The following AKT3 variants were observed in gnomAD, a reference collection of about 807,000 sequenced individuals.
AKT3 encodes the protein AKT serine/threonine kinase 3.
Under a neutral mutation model 65.3 loss-of-function variants are expected in AKT3, and 15 were observed. The observed-to-expected ratio is 0.23, with a 90% CI of 0.15 to 0.35. The LOEUF (loss-of-function observed/expected upper bound fraction) is 0.35, where lower values mean the gene tolerates loss of function less well. Among genes scored for constraint, AKT3 ranks in the 10% least tolerant of loss-of-function variants. The pLI is 1.00. For synonymous variants in AKT3, 206 were observed against 183.8 expected, an observed-to-expected ratio of 1.12 and a Z score of -0.98; for missense variants, 243 against 576.5, an observed-to-expected ratio of 0.42 and a Z score of 5.92.
At chr1:243,810,369 A>G (rs1289040902) in intron 2 of AKT3, among the ~76,000 whole-genome samples, 1 of 152,222 alleles carries the variant, frequency 6.6e-6, no homozygotes, top group Non-Finnish European at 1.5e-5. Flanking sequence ...ACAGAAATAC[A>G]AACTACTATC....
chr1:243,749,762 A>G (rs562376555), intron 2 of AKT3, among the ~76,000 whole-genome samples: 1 of 152,318 alleles, frequency 6.6e-6, no homozygotes, highest in South Asian at 2.1e-4. Flanking sequence ...TTATCAAAAA[A>G]TAACTCAGAA....
At chr1:243,671,773 A>G (rs1445074264) in intron 3 of AKT3, among the ~76,000 whole-genome samples, 1 of 152,164 alleles carries the variant, frequency 6.6e-6, no homozygotes, top group Admixed American at 6.5e-5. Context: ...ATTATCTTCC[A>G]TTTTCTAAAT....
In AKT3 at chr1:243,695,515, T is replaced by C. The variant is rs1685005567; in HGVS notation, c.172+76A>G. 9 of 1,358,246 alleles carry C rather than the reference T, an allele frequency of 6.6e-6. No homozygotes were observed. The Middle Eastern group carries it at 7.0e-4, about 106-fold the overall frequency. 84.1% of individuals were successfully genotyped at this position (1,358,246 alleles called of 1,614,324 possible). A position where few individuals can be genotyped will look rare whatever the true frequency, so the allele number is the denominator to read the frequency against. Reference sequence around the variant, plus strand: ...CAAACTTTTTCACAGGTTTCTCATATAGCCTAAGATATCTGACACATAAAA... The same window carrying C: ...CAAACTTTTTCACAGGTTTCTCATACAGCCTAAGATATCTGACACATAAAA... On this transcript the variant is annotated intron_variant, in intron 3 of 13. Coordinates refer to ENST00000673466, the MANE Select transcript of AKT3 (RefSeq NM_005465.7).
intron 1 of AKT3, among the ~76,000 whole-genome samples, chr1:243,845,597 A>AAAAAAAAG (rs1203767640): frequency 1.4e-5 from 2 of 147,224 alleles, no homozygotes; most frequent in African/African-American, 5.0e-5. Context: ...TCAAAAAAAA[A>AAAAAAAAG]AAAAAAGAAA....
At chr1:243,834,804 A>G (rs1435787112) in intron 2 of AKT3, among the ~76,000 whole-genome samples, 1 of 152,136 alleles carries the variant, frequency 6.6e-6, no homozygotes, top group Non-Finnish European at 1.5e-5. Context: ...TGAAATCTAT[A>G]GGAAAAAAAT....
chr1:243,789,341 G>C (rs965324566), intron 2 of AKT3, among the ~76,000 whole-genome samples: 1 of 152,178 alleles, frequency 6.6e-6, no homozygotes, highest in Admixed American at 6.5e-5. Context: ...AGCTAGGATC[G>C]TGCCACTGTA....
chr1:243,801,781 T>C (rs908655622), intron 2 of AKT3, among the ~76,000 whole-genome samples: 3 of 152,206 alleles, frequency 2.0e-5, no homozygotes, highest in Admixed American at 6.5e-5. Flanking sequence ...ACTAGTCTTA[T>C]AGTAGTGACC....
At chr1:243,698,024 G>C (rs554452639) in intron 2 of AKT3, among the ~76,000 whole-genome samples, 7 of 151,824 alleles carry the variant, frequency 4.6e-5, no homozygotes, top group Non-Finnish European at 7.4e-5. Flanking sequence ...AAAAAAGACG[G>C]CCCTAATATT....
chr1:243,771,048 A>G (rs191336132), intron 2 of AKT3, among the ~76,000 whole-genome samples: 1 of 152,296 alleles, frequency 6.6e-6, no homozygotes, highest in African/African-American at 2.4e-5. Context: ...TTCAAGCTAA[A>G]TACTGCATTC....
At chr1:243,846,504 C>T (rs918051914) in intron 1 of AKT3, among the ~76,000 whole-genome samples, 1 of 152,070 alleles carries the variant, frequency 6.6e-6, no homozygotes, top group Non-Finnish European at 1.5e-5. Context: ...CTAAAAAACA[C>T]ATCAACAAGT....
intron 4 of AKT3, among the ~76,000 whole-genome samples, chr1:243,652,554 A>G (rs1681434974): frequency 6.6e-6 from 1 of 152,078 alleles, no homozygotes; most frequent in South Asian, 2.1e-4. Flanking sequence ...TGGTCAAACT[A>G]ACCAGCTAGC....
At position 243,502,672 on chromosome 1, in the gene AKT3, A is replaced by AAAAT; in HGVS notation, c.*2573_*2576dup. On this transcript the variant is annotated 3_prime_UTR_variant, in exon 14 of 14. Transcript: ENST00000673466. ...ATGGCAGCTGACAGATCTGGAAGTG[A>AAAAT]AAATAGGGGATTCTCAAAATCAAAG... 4.3e-6 allele frequency: 1 copy of AAAAT among 233,266 alleles called. No individual in the cohort carries two copies. The highest frequency in any genetic ancestry group is 8.5e-6 in the Non-Finnish European group (1 of 118,036). The allele number at this position is 233,266 out of a possible 1,614,324, so 14.4% of individuals were successfully genotyped here.
chr1:243,552,703 T>C, intron 11 of AKT3, 26 bp downstream of exon 11: 1 of 1,588,508 alleles, frequency 6.3e-7, no homozygotes, highest in East Asian at 2.2e-5. Context: ...TCATCAGTAA[T>C]TCACTAAGCG....
chr1:243,544,246 A>G (rs997490056), intron 12 of AKT3, among the ~76,000 whole-genome samples: 1,049 of 92,086 alleles, frequency 0.011, 14 homozygotes, highest in African/African-American at 0.042. Flanking sequence ...GTAGTGGGGG[A>G]AAAAAAAAAA....
chr1:243,520,418 T>A (rs575280453), intron 12 of AKT3, among the ~76,000 whole-genome samples: 1 of 152,348 alleles, frequency 6.6e-6, no homozygotes, highest in South Asian at 2.1e-4. Context: ...GGTATTTTGT[T>A]ACAGCAGCCC....
intron 2 of AKT3, among the ~76,000 whole-genome samples, chr1:243,812,684 GATT>G (rs1246047280): frequency 2.0e-5 from 3 of 152,068 alleles, no homozygotes; most frequent in Non-Finnish European, 4.4e-5. Flanking sequence ...ATACCCAAAG[GATT>G]ATAAATCATG....
intron 2 of AKT3, among the ~76,000 whole-genome samples, chr1:243,816,086 G>A (rs190761418): frequency 6.6e-6 from 1 of 152,150 alleles, no homozygotes; most frequent in Non-Finnish European, 1.5e-5. Context: ...GTAGTCATCA[G>A]AAGACCCTAC....
At chr1:243,758,033 G>C (rs1361567657) in intron 2 of AKT3, among the ~76,000 whole-genome samples, 2 of 152,156 alleles carry the variant, frequency 1.3e-5, no homozygotes, top group Non-Finnish European at 2.9e-5. Flanking sequence ...AAAGTGCTGG[G>C]ATCACGGGCA....
chr1:243,682,395 C>G (rs988600560), intron 3 of AKT3, among the ~76,000 whole-genome samples: 2 of 152,116 alleles, frequency 1.3e-5, no homozygotes, highest in South Asian at 4.1e-4. Context: ...ATTTTAAAAA[C>G]TCTGTAGGTA....
Sources: allele counts gnomAD v4.1 joint callset (sites outside exome capture counted in the v4.1 genomes callset), GRCh38; gene constraint gnomAD v4.1.1; transcripts MANE v1.5; gene names NCBI Gene and HGNC (gene_info 2026-07-23, HGNC 2026-07-21).